Variants in MRPL13 observed in about 807,000 individuals in gnomAD.
The protein encoded by MRPL13 is large ribosomal subunit protein uL13m.
In MRPL13, 33 loss-of-function variants were observed where a neutral mutation model predicts 29.0. The ratio of observed to expected loss-of-function variants is 1.14; its 90% confidence interval spans 0.86 to 1.52. MRPL13 has a LOEUF of 1.52. Ranked by LOEUF, MRPL13 falls within the 40% of genes most tolerant of loss-of-function variation. The probability of loss-of-function intolerance (pLI) is 0.00; values close to 1 mark genes in which losing one functional copy is unlikely to be tolerated. For synonymous variants in MRPL13, 77 were observed against 68.4 expected (o/e 1.13, Z -0.62); for missense variants, 227 against 216.7 (o/e 1.05, Z -0.30).
At chr8:120,413,883 A>C in intron 6 of MRPL13, 108 bp downstream of exon 6, 1 of 1,314,628 alleles carries the variant, frequency 7.6e-7, no homozygotes, top group Non-Finnish European at 9.8e-7. Flanking sequence ...CCAGGGGAGC[A>C]AAAAAATGAG....
intron 5 of MRPL13, chr8:120,415,044 A>G (rs962873765): frequency 1.1e-4 from 16 of 152,192 alleles, no homozygotes; most frequent in African/African-American, 3.9e-4. Context: ...TATCTAAGAC[A>G]TTTTAAAAGA....
intron 2 of MRPL13, among the ~76,000 whole-genome samples, chr8:120,435,457 G>A (rs1351018640): frequency 6.6e-6 from 1 of 152,004 alleles, no homozygotes; most frequent in Non-Finnish European, 1.5e-5. Context: ...AGAACATGCA[G>A]TATTTGGTTT....
At chr8:120,413,906 G>T in intron 6 of MRPL13, 85 bp downstream of exon 6, 1 of 1,364,544 alleles carries the variant, frequency 7.3e-7, no homozygotes, top group Non-Finnish European at 9.5e-7. Flanking sequence ...CACTCTTCCC[G>T]CCCTCAAGGA....
At chr8:120,427,176 G>A (rs941227626) in intron 3 of MRPL13, among the ~76,000 whole-genome samples, 17 of 152,010 alleles carry the variant, frequency 1.1e-4, no homozygotes, top group Admixed American at 7.2e-4. Flanking sequence ...TAGATAAAAC[G>A]TCCATAGAAA....
chr8:120,425,638 C>G (rs1304921443), intron 3 of MRPL13, among the ~76,000 whole-genome samples: 1 of 152,098 alleles, frequency 6.6e-6, no homozygotes, highest in East Asian at 1.9e-4. Flanking sequence ...AATTCACTCA[C>G]TCATTATGGG....
At chr8:120,410,050 T>C (rs1471227358) in intron 6 of MRPL13, among the ~76,000 whole-genome samples, 9 of 152,356 alleles carry the variant, frequency 5.9e-5, no homozygotes, top group African/African-American at 2.2e-4. Context: ...AGCTCTTTGA[T>C]AATTGTTTCT....
At chr8:120,434,732 A>G (rs1207875275) in intron 2 of MRPL13, among the ~76,000 whole-genome samples, 1 of 152,092 alleles carries the variant, frequency 6.6e-6, no homozygotes, top group East Asian at 1.9e-4. Context: ...TTAGGGATTC[A>G]AGGAGACCTA....
chr8:120,439,586 G>A (rs1045061518), intron 2 of MRPL13, among the ~76,000 whole-genome samples: 3 of 152,184 alleles, frequency 2.0e-5, no homozygotes, highest in Non-Finnish European at 1.5e-5. Context: ...CAGGGAACAA[G>A]AACAGGCTAC....
At chr8:120,422,565 T>TATATATATAAAC (rs1039146818) in intron 4 of MRPL13, among the ~76,000 whole-genome samples, 1 of 148,602 alleles carries the variant, frequency 6.7e-6, no homozygotes, top group Non-Finnish European at 1.5e-5. Context: ...TATATGGAAA[T>TATATATATAAAC]ATATATATAA....
intron 6 of MRPL13, among the ~76,000 whole-genome samples, chr8:120,406,047 T>G (rs1312208775): frequency 6.6e-6 from 1 of 152,194 alleles, no homozygotes; most frequent in Non-Finnish European, 1.5e-5. Flanking sequence ...TGTGCGTTAA[T>G]GTTATATAAG....
chr8:120,414,161 A>G, intron 5 of MRPL13, 49 bp from the exon 6 acceptor site: 1 of 1,347,602 alleles, frequency 7.4e-7, no homozygotes, highest in Non-Finnish European at 9.8e-7. Context: ...TATCTTTCTT[A>G]GCAATAAATT....
chr8:120,428,034 T>A (rs1812951644), intron 3 of MRPL13, among the ~76,000 whole-genome samples: 1 of 146,576 alleles, frequency 6.8e-6, no homozygotes, highest in Non-Finnish European at 1.5e-5. Flanking sequence ...GCCAAGGCGA[T>A]CCTAAACAAA....
intron 6 of MRPL13, among the ~76,000 whole-genome samples, chr8:120,398,068 T>C (rs565916732): frequency 6.6e-6 from 1 of 152,296 alleles, no homozygotes; most frequent in South Asian, 2.1e-4. Flanking sequence ...TCCAGACTGT[T>C]GGCTCTGGAC....
At chr8:120,432,472 C>T (rs1312347563) in intron 2 of MRPL13, among the ~76,000 whole-genome samples, 3 of 151,896 alleles carry the variant, frequency 2.0e-5, no homozygotes, top group Non-Finnish European at 2.9e-5. Context: ...GTATTAAGTG[C>T]CTTTAAATGT....
intron 2 of MRPL13, among the ~76,000 whole-genome samples, chr8:120,442,954 G>A (rs1346384165): frequency 6.6e-6 from 1 of 152,072 alleles, no homozygotes. Flanking sequence ...TAATAATTTC[G>A]CTGGGCAGTG....
intron 6 of MRPL13, among the ~76,000 whole-genome samples, chr8:120,410,128 T>C (rs573597833): frequency 2.0e-5 from 3 of 152,324 alleles, no homozygotes; most frequent in Admixed American, 1.3e-4. Flanking sequence ...ATATTAATAA[T>C]AGTTCAAATT....
intron 6 of MRPL13, among the ~76,000 whole-genome samples, chr8:120,413,148 T>A (rs192194610): frequency 1.3e-5 from 2 of 152,204 alleles, no homozygotes; most frequent in Non-Finnish European, 2.9e-5. Flanking sequence ...TTGCTTCATA[T>A]TTTCTAGAGA....
chr8:120,442,996 T>C (rs1373581580), intron 2 of MRPL13, among the ~76,000 whole-genome samples, 189 bp downstream of exon 2: 2 of 152,084 alleles, frequency 1.3e-5, no homozygotes, highest in Non-Finnish European at 2.9e-5. Context: ...GGTAAACTGA[T>C]CCATACGGTT....
At chr8:120,401,631 C>G (rs924653394) in intron 6 of MRPL13, among the ~76,000 whole-genome samples, 3 of 152,060 alleles carry the variant, frequency 2.0e-5, no homozygotes, top group Non-Finnish European at 4.4e-5. Flanking sequence ...CTGTTCAACA[C>G]AGTACTGGAA....
Sources: gnomAD v4.1 joint callset for allele counts (sites outside exome capture counted in the v4.1 genomes callset) on GRCh38, gnomAD v4.1.1 for gene constraint, MANE v1.5 for transcripts, NCBI Gene and HGNC (gene_info 2026-07-23, HGNC 2026-07-21) for gene names.